The following TNS1 variants were observed in gnomAD, a reference collection of about 807,000 sequenced individuals.
The protein encoded by TNS1 is tensin-1.
In TNS1, 62 loss-of-function variants were observed where a neutral mutation model predicts 168.6. That is an observed-to-expected ratio of 0.37 (90% CI 0.30 to 0.45). The LOEUF is 0.45. TNS1 is among the 20% of genes least tolerant of loss of function. TNS1 has a pLI of 1.00. For synonymous variants in TNS1, 934 were observed against 933.2 expected (o/e 1.00, Z -0.02); for missense variants, 2,240 against 2,339.4 (o/e 0.96, Z 0.88).
At chr2:218,018,514 C>A (rs1222188376) in intron 1 of TNS1, among the ~76,000 whole-genome samples, 1 of 152,246 alleles carries the variant, frequency 6.6e-6, no homozygotes, top group African/African-American at 2.4e-5. Context: ...CCATCTTAGA[C>A]CCCATGGGGA....
chr2:217,946,287 G>T (rs1321951964), intron 3 of TNS1, among the ~76,000 whole-genome samples: 7 of 152,092 alleles, frequency 4.6e-5, no homozygotes, highest in Non-Finnish European at 1.0e-4. Context: ...GCTCACTAAC[G>T]CCCTGACATG....
Position 217,813,540 on chromosome 2 carries a change from C to T in TNS1, c.4861+145G>A. On this transcript the variant is annotated intron_variant, in intron 26 of 32. Coordinates refer to ENST00000682258, the MANE Select transcript of TNS1 (RefSeq NM_001387777.1). This position sits in a 1 kb window ranked among gnomAD's most constrained non-coding sequence, Gnocchi z 4.0. ...TGCTTTCCCAATCTCTGACCTCAAC[C>T]ATCACCAAGCCCAAGACACCCTCTT... 1 of 1,278,256 alleles carries T rather than the reference C, an allele frequency of 7.8e-7. No homozygotes were observed. Among genetic ancestry groups the T allele is most frequent in the Non-Finnish European group, 1.1e-6 (1 of 932,066 alleles). 79.2% of individuals were successfully genotyped at this position (1,278,256 alleles called of 1,614,324 possible).
intron 11 of TNS1, among the ~76,000 whole-genome samples, chr2:217,891,903 A>G (rs1242556071): frequency 6.6e-6 from 1 of 152,178 alleles, no homozygotes; most frequent in Non-Finnish European, 1.5e-5. Context: ...CACCTCATCA[A>G]GAGGCCTTCT....
chr2:217,930,895 C>T (rs1052011482), intron 3 of TNS1, among the ~76,000 whole-genome samples: 2 of 152,066 alleles, frequency 1.3e-5, no homozygotes, highest in Admixed American at 6.5e-5. Context: ...GGGACAGGGC[C>T]GGCAGCACAG....
chr2:217,981,449 G>A (rs1292143881), intron 2 of TNS1, among the ~76,000 whole-genome samples: 1 of 152,244 alleles, frequency 6.6e-6, no homozygotes, highest in Non-Finnish European at 1.5e-5. Flanking sequence ...GGGGGCAAAT[G>A]GAGAAATCAT....
At position 218,033,505 on chromosome 2, in the gene TNS1, G is replaced by C. The variant is rs1272638652; in HGVS notation, c.156+315C>G. On this transcript the variant is annotated intron_variant, in intron 1 of 1. Transcript: ENST00000649572. This position sits in a 1 kb window ranked among gnomAD's most constrained non-coding sequence, Gnocchi z 4.3. ...TTAACTCTTTCCCTACCTTGCCCCA[G>C]CACTCCAGGCCTGCCCCTCCTGGGT... Among the ~76,000 whole-genome samples the C allele has an allele frequency of 6.6e-6, 1 of 152,092 alleles. No homozygotes were observed. Among genetic ancestry groups the C allele is most frequent in the East Asian group, 1.9e-4 (1 of 5,174 alleles).
At chr2:217,855,729 C>G (rs140483509) in intron 18 of TNS1, among the ~76,000 whole-genome samples, 1 of 152,302 alleles carries the variant, frequency 6.6e-6, no homozygotes, top group African/African-American at 2.4e-5. Flanking sequence ...TTGCCTTACA[C>G]CGAGTAGCCG....
chr2:217,877,180 C>T (rs1399483924), intron 18 of TNS1, among the ~76,000 whole-genome samples: 1 of 152,134 alleles, frequency 6.6e-6, no homozygotes, highest in African/African-American at 2.4e-5. Context: ...CACAGCCACA[C>T]TTTGCTACAC....
intron 1 of TNS1, among the ~76,000 whole-genome samples, chr2:218,002,562 A>G (rs1958584901): frequency 8.5e-6 from 1 of 117,110 alleles, no homozygotes; most frequent in Non-Finnish European, 1.6e-5. Flanking sequence ...GCCTCCTTCC[A>G]CTTACAGCTC....
rs1553621681 is a variant in TNS1, at chr2:217,966,308, T to TGC, written c.186+12455_186+12456dup. Among the ~76,000 whole-genome samples the TGC allele has an allele frequency of 4.8e-3, 638 of 133,588 alleles. 1 individual carries two copies. Among genetic ancestry groups the TGC allele is most frequent in the African/African-American group, 8.5e-3 (289 of 34,000 alleles). The allele number at this position is 133,588 out of a possible 152,430, so 87.6% of individuals were successfully genotyped here. A position where few individuals can be genotyped will look rare whatever the true frequency, so the allele number is the denominator to read the frequency against. ...GTGTGTGTGTGTGTGTGTGTGTGTGTGCGCGCGCGCGCGTGTGTAAGGAGA... is the reference window on the plus strand; with the variant it reads ...GTGTGTGTGTGTGTGTGTGTGTGTGTGCGCGCGCGCGCGCGTGTGTAAGGAGA... On this transcript the variant is annotated intron_variant, in intron 3 of 32. Transcript: ENST00000682258.
chr2:217,934,684 T>C (rs547485455), intron 3 of TNS1, among the ~76,000 whole-genome samples: 5 of 152,308 alleles, frequency 3.3e-5, no homozygotes, highest in Admixed American at 2.6e-4. Flanking sequence ...TGACAGCTGT[T>C]GCCCTCTGCT....
Position 217,889,744 on chromosome 2 carries a change from C to T in TNS1, c.866+1218G>A, listed in dbSNP as rs561138728. ...CTGAGCTCCATAAGCCCTTGCCTGG[C>T]GGATTCAGCACCATGTCACCAGTGT... On this transcript the variant is annotated intron_variant, in intron 12 of 32. Transcript: ENST00000682258. Among the ~76,000 whole-genome samples the T allele has an allele frequency of 6.6e-4, 101 of 152,324 alleles. No individual in the cohort carries two copies. In the South Asian group the frequency reaches 0.021, roughly 31 times the overall value.
At chr2:217,938,381 AG>A (rs1219161511) in intron 3 of TNS1, among the ~76,000 whole-genome samples, 1 of 152,150 alleles carries the variant, frequency 6.6e-6, no homozygotes, top group Admixed American at 6.5e-5. Context: ...TGGGACAGAG[AG>A]GGATTGTGGC....
At chr2:217,965,706 C>T (rs561228786) in intron 3 of TNS1, among the ~76,000 whole-genome samples, 18 of 152,306 alleles carry the variant, frequency 1.2e-4, no homozygotes, top group East Asian at 3.9e-4. Context: ...CACCACACCC[C>T]GGGAGGCGGC....
At chr2:217,863,684 T>G (rs1949002812) in intron 18 of TNS1, among the ~76,000 whole-genome samples, 1 of 151,934 alleles carries the variant, frequency 6.6e-6, no homozygotes, top group Non-Finnish European at 1.5e-5. Context: ...CGTGGTAAAA[T>G]GAGTGGGAGG....
rs374481560 is a variant in TNS1, at chr2:217,930,743, G to C, written c.187-10507C>G. Among the ~76,000 whole-genome samples the C allele has an allele frequency of 7.9e-4, 120 of 152,320 alleles. 1 individual carries two copies. In the South Asian group the frequency reaches 0.025, roughly 31 times the overall value. On this transcript the variant is annotated intron_variant, in intron 3 of 32. Coordinates refer to ENST00000682258, the MANE Select transcript of TNS1 (RefSeq NM_001387777.1). ...CTGAGGCACGCGGCCGGAGGACTAG[G>C]GGGAAGCCAGCCGCCATGCTAGAAG...
intron 2 of TNS1, among the ~76,000 whole-genome samples, chr2:217,982,463 G>A (rs1958080366): frequency 6.7e-6 from 1 of 150,112 alleles, no homozygotes; most frequent in African/African-American, 2.5e-5. Context: ...GAGTGCAGTG[G>A]CACAATCTCA....
intron 3 of TNS1, among the ~76,000 whole-genome samples, chr2:217,963,644 T>A (rs1011435056): frequency 6.6e-6 from 1 of 151,502 alleles, no homozygotes; most frequent in African/African-American, 2.4e-5. Flanking sequence ...AAAAGATAAA[T>A]ATTTAAGTTG....
intron 15 of TNS1, 35 bp downstream of exon 15, chr2:217,885,709 C>T (rs778801013): frequency 2.9e-5 from 46 of 1,572,898 alleles, no homozygotes; most frequent in Non-Finnish European, 3.9e-5. Context: ...AGAAAATAAA[C>T]AAGGATGGGG....
Sources: gnomAD v4.1 joint callset for allele counts (sites outside exome capture counted in the v4.1 genomes callset) on GRCh38, gnomAD v4.1.1 for gene constraint, Gnocchi (gnomAD v3.1) non-coding constraint, MANE v1.5 for transcripts, NCBI Gene and HGNC (gene_info 2026-07-23, HGNC 2026-07-21) for gene names.